AHRR: variants seen among roughly 807,000 people sequenced by gnomAD.
AHRR encodes ahR repressor.
Under a neutral mutation model 44.0 loss-of-function variants are expected in AHRR, and 28 were observed. The ratio of observed to expected loss-of-function variants is 0.64; its 90% CI spans 0.47 to 0.87. AHRR has a LOEUF of 0.87. AHRR is among the 40% of genes least tolerant of loss of function. The pLI, the probability that AHRR is intolerant of heterozygous loss-of-function variation, is 0.00. For missense variants in AHRR, 990 were observed against 953.9 expected (o/e 1.04, Z -0.50); for synonymous variants, 434 against 407.0 (o/e 1.07, Z -0.80).
intron 2 of AHRR, among the ~76,000 whole-genome samples, chr5:349,671 G>A (rs1742796019): frequency 6.6e-6 from 1 of 152,110 alleles, no homozygotes; most frequent in Admixed American, 6.5e-5. Context: ...TGTGTTCTGA[G>A]AGTCCTGTAA....
At position 423,852 on chromosome 5, in the gene AHRR, A is replaced by G. The variant is rs1736247613; in HGVS notation, c.583A>G (p.Ile195Val). 2.5e-6 allele frequency: 4 copies of G among 1,604,864 alleles called. No individual in the cohort carries two copies. The highest frequency in any genetic ancestry group is 3.4e-6 in the Non-Finnish European group (4 of 1,179,272). ...CCTATGGTCTGCAGGAGATGATGCT[A>G]TCCTGGGGAGGCTGCTCAGGGCCCA... The part of the protein sequence containing the change: ...PPPLETGDDA[I>V]LGRLLRAQEW... Residue 195 changes from isoleucine to valine, a missense_variant, in exon 7 of 11, where the codon ATC (isoleucine) becomes GTC (valine). Ile to Val is a conservative substitution (Grantham distance 29). Coordinates refer to ENST00000684583, the MANE Select transcript of AHRR (RefSeq NM_001377236.1).
At chr5:389,939 A>AGGGGG (rs1734342016) in intron 4 of AHRR, among the ~76,000 whole-genome samples, 1 of 36,092 alleles carries the variant, frequency 2.8e-5, no homozygotes, top group Non-Finnish European at 5.3e-5. Flanking sequence ...GGGGGAGGGG[A>AGGGGG]AGGGAGGGAG....
At chr5:433,751 G>A (rs1736850025) in intron 10 of AHRR, 102 bp from the exon 11 acceptor site, 15 of 1,297,902 alleles carry the variant, frequency 1.2e-5, no homozygotes, top group African/African-American at 1.6e-5. Flanking sequence ...GGCAGATTTA[G>A]CATCGTCCTG....
chr5:423,398 G>A (rs1294120270), intron 6 of AHRR, among the ~76,000 whole-genome samples: 1 of 152,144 alleles, frequency 6.6e-6, no homozygotes, highest in Non-Finnish European at 1.5e-5. Context: ...GGGCTGTGCT[G>A]GGACAGTTGC....
In AHRR at chr5:423,850, C is replaced by T; in HGVS notation, c.581C>T (p.Ala194Val). The T allele has an allele frequency of 6.2e-7, 1 of 1,603,162 alleles. No homozygotes were observed. Residue 194 changes from alanine (A) to valine (V), a missense_variant, in exon 7 of 11, where the codon GCT becomes GTT. Ala to Val is a moderately conservative substitution (Grantham distance 64). Transcript: ENST00000684583. ...CCCCTATGGTCTGCAGGAGATGATG[C>T]TATCCTGGGGAGGCTGCTCAGGGCC... Reference protein sequence around the residue: ...QPPPLETGDDAILGRLLRAQE... With the variant: ...QPPPLETGDDVILGRLLRAQE...
Position 434,478 on chromosome 5 carries a change from C to G in AHRR, c.1738C>G (p.Gln580Glu), listed in dbSNP as rs1420111964. The G allele has an allele frequency of 6.2e-7, 1 of 1,613,428 alleles. No individual in the cohort carries two copies. Among genetic ancestry groups the G allele is most frequent in the Non-Finnish European group, 8.5e-7 (1 of 1,180,004 alleles). ...MHLKTEPDSR[Q>E]QVYISHLGHG... is the part of the protein sequence containing the mutation. ...CCTGAAAACAGAGCCAGACTCTCGG[C>G]AACAGGTGTACATCTCGCACCTGGG... The change falls in exon 11 of 11, where the codon CAA becomes GAA. Residue 580 changes from glutamine (Q) to glutamate (E), a missense_variant. Transcript: ENST00000684583.
chr5:422,672 TAA>T (rs1350472629), intron 5 of AHRR, 55 bp from the exon 6 acceptor site: 5 of 1,611,936 alleles, frequency 3.1e-6, no homozygotes, highest in East Asian at 2.2e-5. Context: ...GTCGGTGGAA[TAA>T]AGTGTCTAAA....
At chr5:425,440 C>T (rs561943585) in intron 7 of AHRR, among the ~76,000 whole-genome samples, 1 of 152,326 alleles carries the variant, frequency 6.6e-6, no homozygotes, top group East Asian at 1.9e-4. Flanking sequence ...GCCTCAGCCT[C>T]CTGAGTAGCT....
chr5:355,386 T>C (rs1334573359), intron 3 of AHRR, among the ~76,000 whole-genome samples: 2 of 152,170 alleles, frequency 1.3e-5, no homozygotes, highest in Non-Finnish European at 2.9e-5. Flanking sequence ...GCAGTGCGGC[T>C]CAGCAGCGCC....
At chr5:401,224 G>T (rs1258451231) in intron 4 of AHRR, among the ~76,000 whole-genome samples, 1 of 152,252 alleles carries the variant, frequency 6.6e-6, no homozygotes, top group Non-Finnish European at 1.5e-5. Flanking sequence ...GGGAGGGGCT[G>T]CAGGAGTCTG....
In AHRR at chr5:323,837, C is replaced by T. The variant is rs991867249; in HGVS notation, c.-11+2018C>T. 2.6e-5 allele frequency among the ~76,000 whole-genome samples: 4 copies of T among 152,116 alleles called. No individual in the cohort carries two copies. The East Asian group carries it at 7.7e-4, about 29-fold the overall frequency. On this transcript the variant is annotated intron_variant, in intron 1 of 10. Coordinates refer to ENST00000684583, the MANE Select transcript of AHRR (RefSeq NM_001377236.1). ...TGGGGTGATCAGGCATTGAAGGAGA[C>T]TCAACGGAGCTCCTTGCGGAGGAGA... is the stretch of plus-strand genomic sequence containing the variant.
chr5:374,981 C>T (rs4957031), intron 3 of AHRR, among the ~76,000 whole-genome samples: 63,282 of 152,060 alleles, frequency 0.42, 14,974 homozygotes, highest in Non-Finnish European at 0.54. Context: ...GGGCTGCCGG[C>T]CCAGGGACTG....
At chr5:328,607 A>G (rs1001749701) in intron 1 of AHRR, among the ~76,000 whole-genome samples, 4 of 151,676 alleles carry the variant, frequency 2.6e-5, no homozygotes, top group Non-Finnish European at 4.4e-5. Context: ...TTGTTGTTTT[A>G]TTTTGCATTT....
chr5:347,516 C>T (rs926784125), intron 2 of AHRR, among the ~76,000 whole-genome samples: 7 of 152,012 alleles, frequency 4.6e-5, no homozygotes, highest in Admixed American at 2.0e-4. Context: ...CTTTTAAGCA[C>T]TTGGGGAAGA....
At position 438,216 on chromosome 5, in the gene AHRR, A is replaced by C. The variant is rs909825114; in HGVS notation, c.*3382A>C. On this transcript the variant is annotated 3_prime_UTR_variant, in exon 11 of 11. Coordinates refer to ENST00000684583, the MANE Select transcript of AHRR (RefSeq NM_001377236.1). ...TTAGGAAGCTTTCAAATTTTTTTGT[A>C]CTGTGGTTTGTATTAAATTTGCAAT... 8.5e-5 allele frequency: 13 copies of C among 152,340 alleles called. No homozygotes were observed. The highest frequency in any genetic ancestry group is 2.9e-4 in the African/African-American group (12 of 41,438). The allele number at this position is 152,340 out of a possible 1,614,324, so 9.4% of individuals were successfully genotyped here.
In AHRR at chr5:360,367, C is replaced by T. The variant is rs191079046; in HGVS notation, c.244+6456C>T. Reference sequence around the variant, plus strand: ...AGCCCATTCCTGTTGTTTAAGCCCCCGGACGGGGGTGTTTATTATAAGCAG... The same window carrying T: ...AGCCCATTCCTGTTGTTTAAGCCCCTGGACGGGGGTGTTTATTATAAGCAG... On this transcript the variant is annotated intron_variant, in intron 3 of 10. Transcript: ENST00000684583. Among the ~76,000 whole-genome samples the T allele has an allele frequency of 3.8e-3, 582 of 152,326 alleles. 6 individuals are homozygous for T. The highest frequency in any genetic ancestry group is 0.037 in the Middle Eastern group (11 of 294).
In AHRR at chr5:338,613, G is replaced by A. The variant is rs1742223520; in HGVS notation, c.-10-5280G>A. On this transcript the variant is annotated intron_variant, in intron 1 of 10. Coordinates refer to ENST00000684583, the MANE Select transcript of AHRR (RefSeq NM_001377236.1). The surrounding 1 kb of genome is among the most constrained non-coding windows in gnomAD (Gnocchi z 4.1). ...TCCCAGCACTCTTGGAGGCCAAGGT[G>A]GGTGAATTGCTTGAACCCAGGAGTT... Among the ~76,000 whole-genome samples, 1 of 152,168 alleles carries A rather than the reference G, an allele frequency of 6.6e-6. No individual in the cohort carries two copies. The highest frequency in any genetic ancestry group is 6.5e-5 in the Admixed American group (1 of 15,282).
chr5:366,687 C>G (rs984544077), intron 3 of AHRR, among the ~76,000 whole-genome samples: 13 of 152,258 alleles, frequency 8.5e-5, no homozygotes, highest in African/African-American at 2.6e-4. Flanking sequence ...CCTAAGTGAT[C>G]GATCTTACCC....
chr5:397,266 C>G (rs1313411561), intron 4 of AHRR, among the ~76,000 whole-genome samples: 3 of 108,178 alleles, frequency 2.8e-5, no homozygotes, highest in African/African-American at 4.0e-5. Flanking sequence ...CCACGTAGCT[C>G]CTGACCGTCC....
Sources: allele counts gnomAD v4.1 joint callset (sites outside exome capture counted in the v4.1 genomes callset), GRCh38; gene constraint gnomAD v4.1.1; non-coding constraint Gnocchi (gnomAD v3.1); transcripts MANE v1.5; gene names NCBI Gene and HGNC (gene_info 2026-07-23, HGNC 2026-07-21).